TMEM135: variants seen among roughly 807,000 people sequenced by gnomAD.
The protein encoded by TMEM135 is peroxisomal membrane protein 52.
In TMEM135, 30 loss-of-function variants were observed where a neutral mutation model predicts 60.3. The observed-to-expected ratio is 0.50, with a 90% CI of 0.37 to 0.68. The LOEUF is 0.68. TMEM135 is among the 30% of genes least tolerant of loss of function. The pLI is 0.00. For synonymous variants in TMEM135, 190 were observed against 186.7 expected, an observed-to-expected ratio of 1.02 and a Z score of -0.14; for missense variants, 468 against 548.8, an observed-to-expected ratio of 0.85 and a Z score of 1.47.
intron 4 of TMEM135, among the ~76,000 whole-genome samples, chr11:87,115,299 G>T (rs1021430262): frequency 1.3e-5 from 2 of 151,942 alleles, no homozygotes; most frequent in African/African-American, 4.8e-5. Context: ...AAAATTCTAG[G>T]TCATTTTAGT....
intron 10 of TMEM135, among the ~76,000 whole-genome samples, chr11:87,312,820 G>C (rs1418153919): frequency 6.6e-6 from 1 of 151,880 alleles, no homozygotes; most frequent in African/African-American, 2.4e-5. Context: ...CCCTATTTTA[G>C]ATAGTTAATT....
intron 6 of TMEM135, among the ~76,000 whole-genome samples, chr11:87,287,698 AATGTATGT>A (rs199959141): frequency 2.0e-5 from 3 of 152,046 alleles, no homozygotes; most frequent in Non-Finnish European, 2.9e-5. Context: ...ATAATAAATA[AATGTATGT>A]ATGTATGTAT....
At chr11:87,251,122 T>A (rs1208964362) in intron 6 of TMEM135, among the ~76,000 whole-genome samples, 1 of 152,168 alleles carries the variant, frequency 6.6e-6, no homozygotes, top group African/African-American at 2.4e-5. Context: ...TTTATGACAT[T>A]CAGCTAGAGA....
At chr11:87,231,188 C>T (rs1450262530) in intron 5 of TMEM135, among the ~76,000 whole-genome samples, 2 of 152,014 alleles carry the variant, frequency 1.3e-5, no homozygotes, top group Non-Finnish European at 1.5e-5. Context: ...GTAGGCGGAC[C>T]ATGCTGGATA....
chr11:87,319,061 T>A (rs1942779881), intron 13 of TMEM135: 1 of 408,076 alleles, frequency 2.5e-6, no homozygotes, highest in South Asian at 2.7e-5. Context: ...TAGAGACGGG[T>A]TTTCTCCATG....
intron 1 of TMEM135, among the ~76,000 whole-genome samples, chr11:87,040,847 C>G (rs1029183828): frequency 6.6e-6 from 1 of 151,988 alleles, no homozygotes; most frequent in Non-Finnish European, 1.5e-5. Context: ...TATTTTTCTT[C>G]CTCCCTTCTC....
intron 4 of TMEM135, among the ~76,000 whole-genome samples, chr11:87,127,438 C>T (rs1437194543): frequency 6.6e-6 from 1 of 152,176 alleles, no homozygotes; most frequent in East Asian, 1.9e-4. Flanking sequence ...TCTGGAACGT[C>T]ACTTTTTCTT....
chr11:87,319,996 C>T (rs916021039), intron 14 of TMEM135, among the ~76,000 whole-genome samples: 6 of 152,094 alleles, frequency 3.9e-5, no homozygotes, highest in Admixed American at 3.3e-4. Context: ...ATAATGCATA[C>T]ATTGTATGGT....
In TMEM135 at chr11:87,327,157, A is replaced by G. The variant is rs1192113713; in HGVS notation, c.*5824A>G. On this transcript the variant is annotated 3_prime_UTR_variant, in exon 15 of 15. Transcript: ENST00000305494. ...AACCAGCCTTTACTCGGAGGTGTTC[A>G]TGTGACCCTGTTTTGGCCAATAAAA... is the stretch of plus-strand genomic sequence containing the variant. 2 of 454,054 alleles carry G rather than the reference A, an allele frequency of 4.4e-6. No individual in the cohort carries two copies. The highest frequency in any genetic ancestry group is 8.8e-6 in the Non-Finnish European group (2 of 226,790). 28.1% of individuals were successfully genotyped at this position (454,054 alleles called of 1,614,324 possible).
At chr11:87,286,013 A>G (rs1942158546) in intron 6 of TMEM135, among the ~76,000 whole-genome samples, 1 of 152,118 alleles carries the variant, frequency 6.6e-6, no homozygotes, top group African/African-American at 2.4e-5. Flanking sequence ...AGCTAGTTAC[A>G]GAGTGCTGAT....
chr11:87,038,308 T>G (rs1313313735), intron 1 of TMEM135, 122 bp downstream of exon 1: 21 of 663,740 alleles, frequency 3.2e-5, no homozygotes, highest in African/African-American at 7.3e-5. Context: ...TTTGGAGGGG[T>G]CGGAGTGTTT....
intron 7 of TMEM135, 126 bp downstream of exon 7, chr11:87,295,949 T>C: frequency 2.5e-6 from 2 of 795,550 alleles, no homozygotes; most frequent in Non-Finnish European, 4.1e-6. Flanking sequence ...TTCACAAAAG[T>C]ATTTCCAAGC....
chr11:87,105,440 G>A (rs188267187), intron 4 of TMEM135, among the ~76,000 whole-genome samples: 2 of 152,124 alleles, frequency 1.3e-5, no homozygotes, highest in Admixed American at 6.5e-5. Context: ...CAACTCCCAC[G>A]GACCCACCCC....
At chr11:87,273,012 C>T (rs563879426) in intron 6 of TMEM135, among the ~76,000 whole-genome samples, 11 of 152,238 alleles carry the variant, frequency 7.2e-5, no homozygotes, top group Admixed American at 3.9e-4. Flanking sequence ...CATTCTGCCT[C>T]GTTATAGCAA....
chr11:87,068,539 G>T (rs79153954), intron 2 of TMEM135, among the ~76,000 whole-genome samples: 2 of 152,058 alleles, frequency 1.3e-5, no homozygotes, highest in Non-Finnish European at 1.5e-5. Flanking sequence ...GACCGGGCGC[G>T]GTGGCTCACG....
intron 4 of TMEM135, among the ~76,000 whole-genome samples, chr11:87,114,775 A>G (rs1036059376): frequency 2.2e-4 from 33 of 152,224 alleles, no homozygotes; most frequent in South Asian, 6.2e-4. Flanking sequence ...AGAACACAGT[A>G]TTGGCACTGC....
At chr11:87,251,887 G>A (rs1591140892) in intron 6 of TMEM135, among the ~76,000 whole-genome samples, 1 of 152,134 alleles carries the variant, frequency 6.6e-6, no homozygotes. Flanking sequence ...AGTAAGGACA[G>A]CATTATCTTT....
intron 5 of TMEM135, among the ~76,000 whole-genome samples, chr11:87,212,741 T>C (rs1172748213): frequency 1.3e-5 from 2 of 151,466 alleles, no homozygotes; most frequent in Admixed American, 1.3e-4. Flanking sequence ...GAGAATCTCT[T>C]GAGCCTGAGA....
chr11:87,064,599 G>A (rs1293267648), intron 1 of TMEM135, among the ~76,000 whole-genome samples: 1 of 152,026 alleles, frequency 6.6e-6, no homozygotes, highest in Admixed American at 6.6e-5. Context: ...GAATGTTATA[G>A]AGGCCAGGCA....
Sources: gnomAD v4.1 joint callset for allele counts (sites outside exome capture counted in the v4.1 genomes callset) on GRCh38, gnomAD v4.1.1 for gene constraint, MANE v1.5 for transcripts, NCBI Gene and HGNC (gene_info 2026-07-23, HGNC 2026-07-21) for gene names.